BAALC: variants seen among roughly 807,000 people sequenced by gnomAD.
BAALC encodes brain and acute leukemia cytoplasmic protein.
In BAALC, 9 loss-of-function variants were observed where a neutral mutation model predicts 15.5. That is an observed-to-expected ratio of 0.58 (90% CI 0.35 to 1.02). The LOEUF (loss-of-function observed/expected upper bound fraction) is 1.02. Among genes scored for constraint, BAALC ranks in the 50% least tolerant of loss-of-function variants. The pLI is 0.02. For missense variants in BAALC, 201 were observed against 192.4 expected, an observed-to-expected ratio of 1.04 and a Z score of -0.27; for synonymous variants, 80 against 74.6, an observed-to-expected ratio of 1.07 and a Z score of -0.37.
intron 1 of BAALC, among the ~76,000 whole-genome samples, chr8:103,198,804 A>C (rs1812150981): frequency 6.6e-6 from 1 of 152,034 alleles, no homozygotes; most frequent in Non-Finnish European, 1.5e-5. Context: ...CCAGCAACTC[A>C]GGAGGCTGAG....
At chr8:103,184,756 G>C (rs886066042) in intron 1 of BAALC, among the ~76,000 whole-genome samples, 1 of 152,220 alleles carries the variant, frequency 6.6e-6, no homozygotes, top group Non-Finnish European at 1.5e-5. Context: ...ACTTAAAATA[G>C]ATGAGCGTGG....
At chr8:103,192,957 C>A (rs1312497691) in intron 1 of BAALC, among the ~76,000 whole-genome samples, 1 of 152,208 alleles carries the variant, frequency 6.6e-6, no homozygotes, top group Non-Finnish European at 1.5e-5. Context: ...CTCTCCCTCC[C>A]CTCTGCACCC....
intron 2 of BAALC, among the ~76,000 whole-genome samples, chr8:103,214,680 C>A (rs1812520312): frequency 6.6e-6 from 1 of 152,178 alleles, no homozygotes; most frequent in African/African-American, 2.4e-5. Context: ...CGTTCATTAT[C>A]CACACAATGG....
At chr8:103,152,580 T>C (rs1283153783) in intron 1 of BAALC, among the ~76,000 whole-genome samples, 1 of 152,222 alleles carries the variant, frequency 6.6e-6, no homozygotes, top group African/African-American at 2.4e-5. Flanking sequence ...ACTCACCCAC[T>C]GTTACAGTCC....
At chr8:103,214,724 C>T (rs1220747790) in intron 2 of BAALC, among the ~76,000 whole-genome samples, 1 of 152,148 alleles carries the variant, frequency 6.6e-6, no homozygotes, top group African/African-American at 2.4e-5. Flanking sequence ...GATGAGCCTC[C>T]TCTTATAAAC....
At chr8:103,225,409 T>C (rs995266982) in intron 2 of BAALC, among the ~76,000 whole-genome samples, 16 of 152,226 alleles carry the variant, frequency 1.1e-4, no homozygotes, top group Admixed American at 1.0e-3. Context: ...TGATCTTTGG[T>C]TAGGTTCCCT....
intron 2 of BAALC, among the ~76,000 whole-genome samples, chr8:103,214,064 G>A (rs1390608314): frequency 5.9e-5 from 9 of 152,198 alleles, no homozygotes; most frequent in Non-Finnish European, 1.2e-4. Context: ...TTGGCAGTGG[G>A]GGAAAGTGAG....
At chr8:103,205,929 G>A (rs1433768968) in intron 1 of BAALC, among the ~76,000 whole-genome samples, 1 of 152,208 alleles carries the variant, frequency 6.6e-6, no homozygotes, top group Non-Finnish European at 1.5e-5. Context: ...CCAGGGTTTA[G>A]TACAGTGCAA....
intron 1 of BAALC, chr8:103,183,452 T>C (rs1418850623): frequency 4.3e-6 from 3 of 702,982 alleles, no homozygotes; most frequent in Non-Finnish European, 7.8e-6. Flanking sequence ...GCAGGTAGCA[T>C]GGCCACACAC....
intron 1 of BAALC, among the ~76,000 whole-genome samples, chr8:103,173,005 G>A (rs1345717943): frequency 6.6e-6 from 1 of 152,166 alleles, no homozygotes; most frequent in East Asian, 1.9e-4. Flanking sequence ...TTTGTTTTAT[G>A]GAAACTGAAT....
intron 1 of BAALC, among the ~76,000 whole-genome samples, chr8:103,145,197 A>G (rs910677282): frequency 2.0e-5 from 3 of 152,228 alleles, no homozygotes; most frequent in Admixed American, 6.5e-5. Context: ...TAAGGATGGA[A>G]TATCTTTTCC....
intron 1 of BAALC, among the ~76,000 whole-genome samples, chr8:103,184,094 A>C (rs1811784391): frequency 6.6e-6 from 1 of 152,154 alleles, no homozygotes; most frequent in South Asian, 2.1e-4. Context: ...CATTTTCAAA[A>C]CTAGCAACAT....
At chr8:103,213,309 A>G (rs957935529) in intron 2 of BAALC, 7 of 489,240 alleles carry the variant, frequency 1.4e-5, no homozygotes, top group African/African-American at 9.5e-5. Flanking sequence ...TTGCTTAAGT[A>G]CAGCTTTATT....
At chr8:103,146,558 G>A (rs1421916718) in intron 1 of BAALC, among the ~76,000 whole-genome samples, 1 of 152,138 alleles carries the variant, frequency 6.6e-6, no homozygotes, top group Non-Finnish European at 1.5e-5. Flanking sequence ...TGTACCTAAC[G>A]CTGTTCTGGC....
At chr8:103,166,310 C>G (rs796133523) in intron 1 of BAALC, 7 of 152,760 alleles carry the variant, frequency 4.6e-5, no homozygotes, top group African/African-American at 1.7e-4. Context: ...GAGAGAGAAC[C>G]AAGAGGGAAG....
intron 1 of BAALC, among the ~76,000 whole-genome samples, chr8:103,202,059 G>C (rs1215818372): frequency 2.0e-5 from 3 of 152,146 alleles, no homozygotes; most frequent in African/African-American, 7.2e-5. Context: ...ATAAGATTAT[G>C]AGTAATTTTG....
chr8:103,177,444 C>A (rs544319951), intron 1 of BAALC, among the ~76,000 whole-genome samples: 1 of 152,272 alleles, frequency 6.6e-6, no homozygotes, highest in Admixed American at 6.5e-5. Context: ...CTTGGCCTCC[C>A]AAAGCACTGG....
At chr8:103,176,551 G>T (rs72673308) in intron 1 of BAALC, among the ~76,000 whole-genome samples, 12,570 of 152,164 alleles carry the variant, frequency 0.083, 707 homozygotes, top group Middle Eastern at 0.13. Flanking sequence ...ATCTTGCTAA[G>T]AAAGGGAGTG....
At chr8:103,167,480 G>A (rs1460206245) in intron 1 of BAALC, among the ~76,000 whole-genome samples, 1 of 152,208 alleles carries the variant, frequency 6.6e-6, no homozygotes, top group African/African-American at 2.4e-5. Flanking sequence ...GCATAGCCCA[G>A]TAGAGCTGGC....
Sources: allele counts gnomAD v4.1 joint callset (sites outside exome capture counted in the v4.1 genomes callset), GRCh38; gene constraint gnomAD v4.1.1; transcripts MANE v1.5; gene names NCBI Gene and HGNC (gene_info 2026-07-23, HGNC 2026-07-21).